CTNND2: variants seen among roughly 807,000 people sequenced by gnomAD.
CTNND2 encodes catenin delta 2.
A neutral mutation model predicts 144.4 loss-of-function variants in CTNND2; 22 were observed. The observed-to-expected ratio is 0.15, with a 90% CI of 0.11 to 0.22. CTNND2 has a LOEUF of 0.22. Ranked by LOEUF, CTNND2 falls within the 10% of genes least tolerant of loss-of-function variation. The probability of loss-of-function intolerance (pLI) is 1.00; values close to 1 mark genes in which losing one functional copy is unlikely to be tolerated. For missense variants in CTNND2, 1,353 were observed against 1,618.8 expected (o/e 0.84, Z 2.82); for synonymous variants, 751 against 695.6 (o/e 1.08, Z -1.25).
At chr5:11,774,782 C>T (rs371987552) in intron 1 of CTNND2, among the ~76,000 whole-genome samples, 3 of 152,208 alleles carry the variant, frequency 2.0e-5, no homozygotes, top group African/African-American at 4.8e-5. Flanking sequence ...TCAAAAATAG[C>T]TCTGTTCATT....
intron 16 of CTNND2, among the ~76,000 whole-genome samples, chr5:11,077,645 T>C (rs758292443): frequency 1.2e-4 from 18 of 152,178 alleles, no homozygotes; most frequent in Non-Finnish European, 2.4e-4. Flanking sequence ...TGACGTGCTC[T>C]GACTAAGGTT....
At chr5:11,423,396 A>T (rs1418085962) in intron 3 of CTNND2, among the ~76,000 whole-genome samples, 1 of 152,180 alleles carries the variant, frequency 6.6e-6, no homozygotes, top group Non-Finnish European at 1.5e-5. Context: ...TCTGCAGGAG[A>T]AGAGTACCTA....
intron 1 of CTNND2, among the ~76,000 whole-genome samples, chr5:11,863,804 G>T (rs1020276224): frequency 2.0e-5 from 3 of 152,162 alleles, no homozygotes; most frequent in Admixed American, 6.5e-5. Context: ...TTAACAGTCT[G>T]ATGCAGTGTT....
At chr5:11,301,874 G>A (rs988644486) in intron 9 of CTNND2, among the ~76,000 whole-genome samples, 2 of 152,036 alleles carry the variant, frequency 1.3e-5, no homozygotes. Flanking sequence ...TCATCTTTAT[G>A]ATGGAAATGA....
intron 16 of CTNND2, among the ~76,000 whole-genome samples, chr5:11,065,210 GGCC>G (rs1207046035): frequency 6.6e-6 from 1 of 152,170 alleles, no homozygotes; most frequent in Non-Finnish European, 1.5e-5. Context: ...CAGTCACCTG[GGCC>G]TTTCCCACGG....
At position 11,101,530 on chromosome 5, in the gene CTNND2, C is replaced by A. The variant is rs73049710; in HGVS notation, c.2464-2782G>T. Among the ~76,000 whole-genome samples, 236 of 152,258 alleles carry A rather than the reference C, an allele frequency of 1.5e-3. 1 individual carries two copies. Among genetic ancestry groups the A allele is most frequent in the African/African-American group, 4.7e-3 (197 of 41,548 alleles). The stretch of plus-strand genomic sequence containing the variant: ...TTACAAATTTAAATATAAGGTGCTT[C>A]TATCCTAAAATATCTACAAAAATGG... On this transcript the variant is annotated intron_variant, in intron 14 of 21. Transcript: ENST00000304623.
chr5:11,246,296 A>T (rs890488926), intron 9 of CTNND2, among the ~76,000 whole-genome samples: 3 of 152,280 alleles, frequency 2.0e-5, no homozygotes, highest in African/African-American at 7.2e-5. Flanking sequence ...ACGTGACCTT[A>T]TTTGGAAATA....
intron 12 of CTNND2, among the ~76,000 whole-genome samples, chr5:11,147,551 A>T (rs1304423291): frequency 6.6e-6 from 1 of 152,162 alleles, no homozygotes; most frequent in Non-Finnish European, 1.5e-5. Flanking sequence ...ACGGGCTGAT[A>T]CCAGTTCTGA....
intron 9 of CTNND2, among the ~76,000 whole-genome samples, chr5:11,237,876 G>C (rs1396753315): frequency 6.6e-6 from 1 of 152,020 alleles, no homozygotes; most frequent in African/African-American, 2.4e-5. Context: ...ATAGACAGGG[G>C]CCTACATGAT....
chr5:11,525,154 C>T (rs899787162), intron 3 of CTNND2, among the ~76,000 whole-genome samples: 1 of 152,164 alleles, frequency 6.6e-6, no homozygotes, highest in African/African-American at 2.4e-5. Flanking sequence ...CTATGGAGAG[C>T]TCTAGGGCTT....
At chr5:10,994,388 GGAGGGGGGCGGGGAACGAGGAAC>G (rs1739093408) in intron 18 of CTNND2, among the ~76,000 whole-genome samples, 1 of 34,330 alleles carries the variant, frequency 2.9e-5, no homozygotes, top group Non-Finnish European at 6.1e-5. Context: ...CGGGGAAAGA[GGAGGGGGGCGGGGAACGAGGAAC>G]GGGGCGGGGA....
At chr5:11,163,499 T>C (rs553381030) in intron 11 of CTNND2, among the ~76,000 whole-genome samples, 38 of 152,352 alleles carry the variant, frequency 2.5e-4, no homozygotes, top group Non-Finnish European at 2.6e-4. Flanking sequence ...TTTAAGCTGC[T>C]AAATTGTGGA....
chr5:11,285,114 G>A (rs192145939), intron 9 of CTNND2, among the ~76,000 whole-genome samples: 11 of 152,236 alleles, frequency 7.2e-5, no homozygotes, highest in Admixed American at 5.9e-4. Context: ...TCCCCTTAAT[G>A]TCTGATCAAG....
At chr5:11,698,377 C>T (rs1785239579) in intron 2 of CTNND2, among the ~76,000 whole-genome samples, 1 of 151,962 alleles carries the variant, frequency 6.6e-6, no homozygotes, top group African/African-American at 2.4e-5. Context: ...AAACCTCCGC[C>T]TCCTGGGTTC....
At chr5:11,624,628 T>C (rs914501584) in intron 2 of CTNND2, among the ~76,000 whole-genome samples, 2 of 152,078 alleles carry the variant, frequency 1.3e-5, no homozygotes, top group African/African-American at 4.8e-5. Context: ...AGCAGTAACA[T>C]TCAGAAAAAT....
intron 1 of CTNND2, among the ~76,000 whole-genome samples, chr5:11,737,280 C>A (rs989829806): frequency 4.6e-5 from 7 of 152,126 alleles, no homozygotes; most frequent in Admixed American, 3.9e-4. Context: ...AAAATGCACC[C>A]CTTTGACTTT....
chr5:11,224,476 T>C (rs1740120332), intron 10 of CTNND2, among the ~76,000 whole-genome samples: 1 of 152,192 alleles, frequency 6.6e-6, no homozygotes, highest in Non-Finnish European at 1.5e-5. Context: ...TGCTCTCTTC[T>C]TCCTCCTTCC....
chr5:10,975,005 G>C (rs777078891), intron 21 of CTNND2, among the ~76,000 whole-genome samples: 4 of 152,188 alleles, frequency 2.6e-5, no homozygotes, highest in Non-Finnish European at 4.4e-5. Context: ...GTAGCTGAAT[G>C]AATGAGGTTT....
At chr5:11,829,820 T>G (rs916413155) in intron 1 of CTNND2, among the ~76,000 whole-genome samples, 3 of 152,158 alleles carry the variant, frequency 2.0e-5, no homozygotes, top group Non-Finnish European at 2.9e-5. Flanking sequence ...ACTGATGGTT[T>G]GCACCACACA....
Sources: gnomAD v4.1 joint callset for allele counts (sites outside exome capture counted in the v4.1 genomes callset) on GRCh38, gnomAD v4.1.1 for gene constraint, MANE v1.5 for transcripts, NCBI Gene and HGNC (gene_info 2026-07-23, HGNC 2026-07-21) for gene names.